The following AGMO variants were observed in gnomAD, a reference collection of about 807,000 sequenced individuals.
AGMO encodes alkylglycerol monooxygenase, also known as glyceryl-ether monooxygenase.
Under a neutral mutation model 60.2 loss-of-function variants are expected in AGMO, and 75 were observed. The ratio of observed to expected loss-of-function variants is 1.25; its 90% CI spans 1.03 to 1.51. The LOEUF is 1.51. Among genes scored for constraint, AGMO ranks in the 40% most tolerant of loss-of-function variants. The pLI is 0.00. For synonymous variants in AGMO, 261 were observed against 177.1 expected (o/e 1.47, Z -3.76); for missense variants, 763 against 525.5 (o/e 1.45, Z -4.42).
At chr7:15,470,074 T>A (rs1782408712) in intron 3 of AGMO, among the ~76,000 whole-genome samples, 1 of 151,934 alleles carries the variant, frequency 6.6e-6, no homozygotes, top group Non-Finnish European at 1.5e-5. Flanking sequence ...GTGGAATAGG[T>A]GAATGACTGA....
intron 2 of AGMO, among the ~76,000 whole-genome samples, chr7:15,547,841 G>C (rs1024625126): frequency 6.6e-6 from 1 of 152,078 alleles, no homozygotes; most frequent in African/African-American, 2.4e-5. Context: ...GCCTGCCTCT[G>C]TAGGCTCCAC....
intron 3 of AGMO, among the ~76,000 whole-genome samples, chr7:15,462,872 T>G (rs1782181875): frequency 6.6e-6 from 1 of 152,128 alleles, no homozygotes; most frequent in South Asian, 2.1e-4. Context: ...CCTAAAAGTA[T>G]CTTCTAAAAC....
intron 12 of AGMO, among the ~76,000 whole-genome samples, chr7:15,360,804 G>C (rs1340637973): frequency 6.6e-6 from 1 of 152,116 alleles, no homozygotes; most frequent in Non-Finnish European, 1.5e-5. Flanking sequence ...GCCAGGATAT[G>C]GTCAATTCTT....
chr7:15,255,442 C>T (rs561050393), intron 12 of AGMO, among the ~76,000 whole-genome samples: 1 of 147,410 alleles, frequency 6.8e-6, no homozygotes, highest in Non-Finnish European at 1.5e-5. Flanking sequence ...CAGTTCTTTA[C>T]AAACTATTTC....
intron 10 of AGMO, among the ~76,000 whole-genome samples, chr7:15,373,133 G>C (rs1783286161): frequency 1.3e-5 from 2 of 151,892 alleles, no homozygotes; most frequent in Non-Finnish European, 2.9e-5. Context: ...AAATTATCTG[G>C]GCATGGTGGC....
intron 12 of AGMO, among the ~76,000 whole-genome samples, chr7:15,328,679 T>G (rs2128543262): frequency 6.6e-6 from 1 of 152,210 alleles, no homozygotes; most frequent in Non-Finnish European, 1.5e-5. Context: ...GTCAAACCAA[T>G]ATTTCTTTTG....
intron 12 of AGMO, among the ~76,000 whole-genome samples, chr7:15,352,831 A>G (rs1210634635): frequency 6.6e-6 from 1 of 152,058 alleles, no homozygotes; most frequent in Non-Finnish European, 1.5e-5. Context: ...GCTATTAAAG[A>G]CAATGCAAAA....
intron 12 of AGMO, among the ~76,000 whole-genome samples, chr7:15,314,137 C>G (rs139946537): frequency 1.3e-5 from 2 of 152,028 alleles, no homozygotes; most frequent in East Asian, 1.9e-4. Flanking sequence ...GCATATATAG[C>G]ATGGATAAGT....
At chr7:15,406,971 C>T (rs866832511) in intron 5 of AGMO, among the ~76,000 whole-genome samples, 1 of 138,748 alleles carries the variant, frequency 7.2e-6, no homozygotes, top group African/African-American at 2.7e-5. Flanking sequence ...CATATAAGTA[C>T]ACATGTACAC....
At chr7:15,316,713 T>A (rs1000042779) in intron 12 of AGMO, among the ~76,000 whole-genome samples, 1 of 152,218 alleles carries the variant, frequency 6.6e-6, no homozygotes, top group African/African-American at 2.4e-5. Flanking sequence ...GGCTAATGTA[T>A]TTAGTAACGT....
At chr7:15,310,188 A>C (rs1583391951) in intron 12 of AGMO, among the ~76,000 whole-genome samples, 2 of 152,326 alleles carry the variant, frequency 1.3e-5, no homozygotes, top group African/African-American at 4.8e-5. Flanking sequence ...TTAAAGAATA[A>C]TTTGATTCAG....
intron 12 of AGMO, among the ~76,000 whole-genome samples, chr7:15,300,852 C>A (rs1188615205): frequency 5.3e-5 from 8 of 152,254 alleles, no homozygotes; most frequent in African/African-American, 1.9e-4. Context: ...AGCACTCTCT[C>A]CATGGCAAAA....
At chr7:15,223,697 A>G (rs971921214) in intron 12 of AGMO, among the ~76,000 whole-genome samples, 1 of 152,014 alleles carries the variant, frequency 6.6e-6, no homozygotes, top group African/African-American at 2.4e-5. Flanking sequence ...TCTAGCACCT[A>G]GACAATGCAT....
At position 15,561,768 on chromosome 7, in the gene AGMO, A is replaced by G. The variant is rs59147126; in HGVS notation, c.78T>C (p.Ser26=). 10,700 of 1,612,202 alleles carry G rather than the reference A, an allele frequency of 6.6e-3. 620 individuals carry two copies. The African/African-American group carries it at 0.12, about 19-fold the overall frequency. Residue 26 remains serine (S), a synonymous_variant, in exon 1 of 13, where the codon AGT becomes AGC. Transcript: ENST00000342526. ...CTTCTAATGTTTGGAATGAAGTTTCACTGGGTTTCATCGTGTAAAACAACA... is the reference window on the plus strand; with the variant it reads ...CTTCTAATGTTTGGAATGAAGTTTCGCTGGGTTTCATCGTGTAAAACAACA... ...FRMLFYTMKP[S]ETSFQTLEEV...
chr7:15,356,270 A>T (rs1782526018), intron 12 of AGMO, among the ~76,000 whole-genome samples: 1 of 152,038 alleles, frequency 6.6e-6, no homozygotes, highest in African/African-American at 2.4e-5. Flanking sequence ...TTATTGCAGC[A>T]TTGCAATAGA....
At chr7:15,373,993 T>C (rs1285386721) in intron 10 of AGMO, among the ~76,000 whole-genome samples, 1 of 152,230 alleles carries the variant, frequency 6.6e-6, no homozygotes, top group African/African-American at 2.4e-5. Context: ...TTATCCCTGC[T>C]GCCATTATTA....
At chr7:15,120,596 C>A in the AGMO span, among the ~76,000 whole-genome samples, 1 of 152,058 alleles carries the variant, frequency 6.6e-6, no homozygotes, top group African/African-American at 2.4e-5. Flanking sequence ...AGAAGGTCTT[C>A]AGCAAACCAG....
chr7:15,179,327 T>C, the AGMO span, among the ~76,000 whole-genome samples: 1 of 152,110 alleles, frequency 6.6e-6, no homozygotes, highest in Admixed American at 6.6e-5. Flanking sequence ...GCAAATTTCC[T>C]CCAGCTGTGA....
intron 12 of AGMO, among the ~76,000 whole-genome samples, chr7:15,337,174 C>A (rs1331383991): frequency 6.6e-6 from 1 of 152,128 alleles, no homozygotes; most frequent in Non-Finnish European, 1.5e-5. Context: ...CAACTACAGG[C>A]TTTCTAAAGT....
Sources: gnomAD v4.1 joint callset for allele counts (sites outside exome capture counted in the v4.1 genomes callset) on GRCh38, gnomAD v4.1.1 for gene constraint, MANE v1.5 for transcripts, NCBI Gene and HGNC (gene_info 2026-07-23, HGNC 2026-07-21) for gene names.